Variants in TNFSF13B observed in about 807,000 individuals in gnomAD.
TNFSF13B encodes the protein tumor necrosis factor ligand superfamily member 13B.
TNFSF13B carries 8 observed loss-of-function variants against 29.1 expected under a neutral mutation model. That is an observed-to-expected ratio of 0.27 (90% confidence interval 0.16 to 0.50). TNFSF13B has a LOEUF of 0.50. Ranked by LOEUF, TNFSF13B falls within the 20% of genes least tolerant of loss-of-function variation. TNFSF13B has a pLI of 0.98. For synonymous variants in TNFSF13B, 125 were observed against 130.8 expected (o/e 0.96, Z 0.30); for missense variants, 248 against 334.9 (o/e 0.74, Z 2.03).
At chr13:108,271,869 A>G (rs1333813878) in intron 2 of TNFSF13B, among the ~76,000 whole-genome samples, 1 of 152,134 alleles carries the variant, frequency 6.6e-6, no homozygotes, top group Non-Finnish European at 1.5e-5. Flanking sequence ...TCTCTTTGCT[A>G]TAATACAACA....
intron 3 of TNFSF13B, among the ~76,000 whole-genome samples, chr13:108,290,662 G>T: frequency 1.3e-5 from 2 of 150,970 alleles, no homozygotes; most frequent in African/African-American, 2.4e-5. Flanking sequence ...ACTGATTTCT[G>T]TGAGCACCTT....
At chr13:108,277,621 G>A (rs1026514023) in intron 2 of TNFSF13B, among the ~76,000 whole-genome samples, 3 of 152,140 alleles carry the variant, frequency 2.0e-5, no homozygotes, top group African/African-American at 4.8e-5. Flanking sequence ...AAAGAATGCC[G>A]AAACCATAGA....
intron 3 of TNFSF13B, among the ~76,000 whole-genome samples, chr13:108,292,622 C>T (rs1415291451): frequency 6.6e-6 from 1 of 152,066 alleles, no homozygotes; most frequent in African/African-American, 2.4e-5. Context: ...TTAGTATTGC[C>T]TTCCTACTGG....
intron 3 of TNFSF13B, among the ~76,000 whole-genome samples, chr13:108,302,216 A>G (rs1881645880): frequency 6.6e-6 from 1 of 152,168 alleles, no homozygotes; most frequent in African/African-American, 2.4e-5. Context: ...GATCAGGATG[A>G]AATTTGGAGA....
chr13:108,280,195 C>T (rs1339301626), intron 2 of TNFSF13B, among the ~76,000 whole-genome samples: 1 of 151,332 alleles, frequency 6.6e-6, no homozygotes, highest in Non-Finnish European at 1.5e-5. Context: ...AAATTTAAAC[C>T]ATTCGAACTT....
At chr13:108,284,320 C>A (rs1239739569) in intron 2 of TNFSF13B, among the ~76,000 whole-genome samples, 1 of 151,896 alleles carries the variant, frequency 6.6e-6, no homozygotes, top group Non-Finnish European at 1.5e-5. Context: ...CAGAGCGAGA[C>A]TCCGTCTCAA....
At chr13:108,292,096 A>C (rs1315836261) in intron 3 of TNFSF13B, among the ~76,000 whole-genome samples, 1 of 152,126 alleles carries the variant, frequency 6.6e-6, no homozygotes. Flanking sequence ...TCAGCCCCAG[A>C]GAAAATCCTG....
intron 2 of TNFSF13B, among the ~76,000 whole-genome samples, chr13:108,278,448 T>G (rs1880818436): frequency 2.6e-5 from 4 of 151,978 alleles, no homozygotes; most frequent in Admixed American, 2.6e-4. Context: ...CTTGTTTTAG[T>G]AGGCATAGAG....
rs1465266924 is a variant in TNFSF13B, at chr13:108,270,396, G to A, written c.396G>A (p.Lys132=). The change falls in exon 2 of 6, where the codon AAG becomes AAA. Residue 132 remains lysine (K), a synonymous_variant. Coordinates refer to ENST00000375887, the MANE Select transcript of TNFSF13B (RefSeq NM_006573.5). ...EGNSSQNSRN[K]RAVQGPEETV... ...ACTCCAGTCAGAACAGCAGAAATAA[G>A]CGTGCCGTTCAGGGTCCAGAAGAAA... The A allele has an allele frequency of 1.2e-6, 2 of 1,614,082 alleles. No individual in the cohort carries two copies. Among genetic ancestry groups the A allele is most frequent in the Non-Finnish European group, 1.7e-6 (2 of 1,179,950 alleles).
At position 108,281,061 on chromosome 13, in the gene TNFSF13B, A is replaced by G. The variant is rs1006214243; in HGVS notation, c.425-5742A>G. Among the ~76,000 whole-genome samples, 4 of 152,262 alleles carry G rather than the reference A, an allele frequency of 2.6e-5. No homozygotes were observed. The East Asian group carries it at 7.7e-4, about 29-fold the overall frequency. ...CAGGAGTTCGAGACCAGCCTGACCA[A>G]CACAGAGAAACCCTGTCTCTACTAA... On this transcript the variant is annotated intron_variant, in intron 2 of 5. Coordinates refer to ENST00000375887, the MANE Select transcript of TNFSF13B (RefSeq NM_006573.5).
intron 2 of TNFSF13B, among the ~76,000 whole-genome samples, chr13:108,272,156 C>T (rs935665205): frequency 6.6e-6 from 1 of 152,008 alleles, no homozygotes; most frequent in Non-Finnish European, 1.5e-5. Context: ...TGCTTGTTTA[C>T]TAATATGAAT....
chr13:108,270,084 G>A lies in TNFSF13B; in HGVS notation c.189G>A (p.Val63=), dbSNP rs143069838. The A allele has an allele frequency of 9.8e-4, 1,581 of 1,605,674 alleles. 1 individual carries two copies. Among genetic ancestry groups the A allele is most frequent in the Non-Finnish European group, 1.2e-3 (1,432 of 1,179,952 alleles). Residue 63 remains valine, a synonymous_variant, in exon 1 of 6, where the codon GTG becomes GTA. Transcript: ENST00000375887. ...CACTGCTGTCTTGCTGCCTCACGGT[G>A]GTGTCTTTCTACCAGGTGGCCGCCC... ...LLALLSCCLT[V]VSFYQVAALQ...
At chr13:108,286,066 A>C (rs1881119599) in intron 2 of TNFSF13B, among the ~76,000 whole-genome samples, 2 of 152,222 alleles carry the variant, frequency 1.3e-5, no homozygotes, top group Admixed American at 6.5e-5. Context: ...AACTATATGC[A>C]CTTGCATGGA....
At chr13:108,290,287 C>T (rs966287702) in intron 3 of TNFSF13B, among the ~76,000 whole-genome samples, 7 of 152,138 alleles carry the variant, frequency 4.6e-5, no homozygotes, top group Non-Finnish European at 7.4e-5. Flanking sequence ...TAACCAGTCT[C>T]CTACCAATAG....
At chr13:108,291,539 T>G (rs1881312992) in intron 3 of TNFSF13B, among the ~76,000 whole-genome samples, 1 of 151,934 alleles carries the variant, frequency 6.6e-6, no homozygotes, top group Non-Finnish European at 1.5e-5. Context: ...TGGTTGTTCT[T>G]TTTGTGTATA....
intron 3 of TNFSF13B, among the ~76,000 whole-genome samples, chr13:108,302,284 A>G (rs1054181090): frequency 6.6e-6 from 1 of 152,156 alleles, no homozygotes; most frequent in Middle Eastern, 3.2e-3. Flanking sequence ...ATTTTAGACT[A>G]ACTTCTATAG....
At chr13:108,290,836 G>A (rs1020368351) in intron 3 of TNFSF13B, among the ~76,000 whole-genome samples, 1 of 151,586 alleles carries the variant, frequency 6.6e-6, no homozygotes, top group Non-Finnish European at 1.5e-5. Context: ...ACACTTAAAC[G>A]TATTAAGGAA....
chr13:108,299,869 G>T (rs1463658026), intron 3 of TNFSF13B, among the ~76,000 whole-genome samples: 5 of 152,100 alleles, frequency 3.3e-5, no homozygotes, highest in Admixed American at 3.3e-4. Flanking sequence ...GCCAGAAAGA[G>T]ATGATAAAAT....
chr13:108,279,382 G>A (rs979783062), intron 2 of TNFSF13B, among the ~76,000 whole-genome samples: 4 of 152,164 alleles, frequency 2.6e-5, no homozygotes, highest in African/African-American at 9.7e-5. Context: ...TAGAAGTATT[G>A]TAGAAAAAGT....
Sources: gnomAD v4.1 joint callset for allele counts (sites outside exome capture counted in the v4.1 genomes callset) on GRCh38, gnomAD v4.1.1 for gene constraint, MANE v1.5 for transcripts, NCBI Gene and HGNC (gene_info 2026-07-23, HGNC 2026-07-21) for gene names.